Variants in ADGRG2 observed in about 807,000 individuals in gnomAD.
ADGRG2 encodes the protein adhesion G protein-coupled receptor G2.
Under a neutral mutation model 74.1 loss-of-function variants are expected in ADGRG2, and 26 were observed. The ratio of observed to expected loss-of-function variants is 0.35; its 90% confidence interval spans 0.26 to 0.49. The LOEUF is 0.49. Among genes scored for constraint, ADGRG2 ranks in the 20% least tolerant of loss-of-function variants. The pLI is 0.99. For missense variants in ADGRG2, 619 were observed against 763.1 expected (o/e 0.81, Z 2.22); for synonymous variants, 296 against 295.2 (o/e 1.00, Z -0.03).
chrX:19,035,881 A>G, intron 7 of ADGRG2, 61 bp downstream of exon 7: 4 of 614,412 alleles, frequency 6.5e-6, no homozygotes, highest in Non-Finnish European at 1.0e-5. Context: ...TAGACTGCAC[A>G]AGCAAGACAC....
chrX:19,004,895 T>C lies in ADGRG2; in HGVS notation c.1840-16A>G, dbSNP rs762514981. 1.8e-6 allele frequency: 2 copies of C among 1,131,858 alleles called. No homozygotes were observed. Among genetic ancestry groups the C allele is most frequent in the East Asian group, 6.0e-5 (2 of 33,335 alleles). The allele number at this position is 1,131,858 out of a possible 1,213,427, so 93.3% of individuals were successfully genotyped here. On this transcript the variant is annotated splice_polypyrimidine_tract_variant and intron_variant, in intron 22 of 28. Transcript: ENST00000379869. ...TAGATAGGTCCTGGAAAATGAAATA[T>C]TGCTTTTAATAATCAAATATTTTTA...
At chrX:19,120,828 T>A (rs1170270671) in intron 1 of ADGRG2, among the ~76,000 whole-genome samples, 1 of 112,600 alleles carries the variant, frequency 8.9e-6, no homozygotes, top group Non-Finnish European at 1.9e-5. Flanking sequence ...TATTTCGCTA[T>A]TAAATGAGTA....
intron 3 of ADGRG2, among the ~76,000 whole-genome samples, chrX:19,044,697 C>A (rs1248437568): frequency 9.0e-6 from 1 of 111,179 alleles, no homozygotes; most frequent in Non-Finnish European, 1.9e-5. Flanking sequence ...ACTCTCTGGC[C>A]ATTGCTCCTG....
chrX:19,038,630 C>T (rs751965245), intron 4 of ADGRG2, among the ~76,000 whole-genome samples: 44 of 111,716 alleles, frequency 3.9e-4, no homozygotes, highest in African/African-American at 1.4e-3. Flanking sequence ...TTAATTCTTC[C>T]GAATGTTGAT....
chrX:19,028,430 G>A (rs1041742500), intron 9 of ADGRG2, among the ~76,000 whole-genome samples, 192 bp from the exon 10 acceptor site: 5 of 111,563 alleles, frequency 4.5e-5, no homozygotes, highest in Non-Finnish European at 9.4e-5. Context: ...TTTTATGTGG[G>A]AATTCAGAAA....
At chrX:19,007,553 A>T (rs1433025765) in intron 19 of ADGRG2, among the ~76,000 whole-genome samples, 196 bp from the exon 20 acceptor site, 1 of 112,323 alleles carries the variant, frequency 8.9e-6, no homozygotes, top group Non-Finnish European at 1.9e-5. Context: ...TGCTCTAAAT[A>T]CTGAGCTAAA....
At chrX:19,051,674 T>G (rs2061325446) in intron 3 of ADGRG2, among the ~76,000 whole-genome samples, 1 of 111,512 alleles carries the variant, frequency 9.0e-6, no homozygotes, top group Admixed American at 9.5e-5. Context: ...GCTCTCACTC[T>G]CTCTCTTTCT....
chrX:19,040,173 T>TA lies in ADGRG2; in HGVS notation c.154+15dup, dbSNP rs750050878. On this transcript the variant is annotated intron_variant, in intron 4 of 28. Transcript: ENST00000379869. ...ATTTTCCTGAAATTCCCCAGAGTTCTAAAAAAACAACTTACCAGGTGGTGG... is the reference window on the plus strand; with the variant it reads ...ATTTTCCTGAAATTCCCCAGAGTTCTAAAAAAAACAACTTACCAGGTGGTGG... 82 of 1,102,268 alleles carry TA rather than the reference T, an allele frequency of 7.4e-5. No homozygotes were observed. In the Admixed American group the frequency reaches 1.1e-3, roughly 14 times the overall value. 90.8% of individuals were successfully genotyped at this position (1,102,268 alleles called of 1,213,427 possible).
chrX:19,049,152 G>T (rs1386201380), intron 3 of ADGRG2, among the ~76,000 whole-genome samples: 1 of 111,968 alleles, frequency 8.9e-6, no homozygotes, highest in African/African-American at 3.2e-5. Flanking sequence ...CCCCCAGAAG[G>T]CCCCTTGGTT....
chrX:19,118,097 A>G (rs1415019446), intron 1 of ADGRG2, among the ~76,000 whole-genome samples: 1 of 112,142 alleles, frequency 8.9e-6, no homozygotes, highest in East Asian at 2.8e-4. Context: ...GTAAAATAGT[A>G]GCAACTACTA....
chrX:19,033,650 T>A lies in ADGRG2; in HGVS notation c.267A>T (p.Lys89Asn), dbSNP rs760196699. ...AGGTTTTTACTATAGTGATTTTAGT[T>A]TTTTCTGCAAAGAAACAACTTAAAT... ...LSLLPSNETE[K>N]TKITIVKTFN... The change falls in exon 8 of 29, where the codon AAA becomes AAT. Residue 89 changes from lysine (K) to asparagine (N), a missense_variant. Physicochemically the swap from Lys to Asn is moderately conservative, Grantham distance 94. Coordinates refer to ENST00000379869, the MANE Select transcript of ADGRG2 (RefSeq NM_001079858.3). The A allele has an allele frequency of 1.2e-6, 1 of 809,548 alleles. No individual in the cohort carries two copies. Among genetic ancestry groups the A allele is most frequent in the Non-Finnish European group, 1.8e-6 (1 of 542,179 alleles). 66.7% of individuals were successfully genotyped at this position (809,548 alleles called of 1,213,427 possible).
rs144699060 is a variant in ADGRG2, at chrX:19,107,210, C to A, written c.-47+15232G>T. Reference sequence around the variant, plus strand: ...CTGGCCAGTCCCAAACCTGCTGAATCCGCATATGCATTTTAACAAGATCCC... The same window carrying A: ...CTGGCCAGTCCCAAACCTGCTGAATACGCATATGCATTTTAACAAGATCCC... On this transcript the variant is annotated intron_variant, in intron 1 of 28. Transcript: ENST00000379869. Among the ~76,000 whole-genome samples the A allele has an allele frequency of 6.9e-3, 779 of 112,374 alleles. 6 individuals carry two copies. Among genetic ancestry groups the A allele is most frequent in the African/African-American group, 0.024 (751 of 30,952 alleles).
chrX:19,014,142 C>T (rs1225587794), intron 15 of ADGRG2, 68 bp from the exon 16 acceptor site: 1 of 862,204 alleles, frequency 1.2e-6, no homozygotes. Flanking sequence ...AGTCTTTCCC[C>T]TCTGGCAATC....
chrX:19,116,673 A>G (rs1459006115), intron 1 of ADGRG2, among the ~76,000 whole-genome samples: 1 of 111,113 alleles, frequency 9.0e-6, no homozygotes, highest in Non-Finnish European at 1.9e-5. Context: ...AGGTAGTTAC[A>G]CTGATCTCAG....
chrX:19,111,434 G>A (rs1355844201), intron 1 of ADGRG2, among the ~76,000 whole-genome samples: 3 of 111,082 alleles, frequency 2.7e-5, no homozygotes, highest in Non-Finnish European at 5.7e-5. Flanking sequence ...AAGAGAGGAT[G>A]AGGAGACTTA....
chrX:19,011,013 T>G (rs940020008), intron 16 of ADGRG2, among the ~76,000 whole-genome samples: 1 of 111,908 alleles, frequency 8.9e-6, no homozygotes, highest in African/African-American at 3.3e-5. Flanking sequence ...ATCAACAAAC[T>G]ATGGTACCTC....
intron 1 of ADGRG2, 29 bp from the exon 2 acceptor site, chrX:19,082,775 CAAAATTAG>C (rs2061873729): frequency 2.7e-5 from 3 of 112,122 alleles, no homozygotes; most frequent in Admixed American, 9.5e-5. Context: ...AAATAAAAAG[CAAAATTAG>C]ACCAATGGAA....
chrX:19,047,252 C>T (rs2061212419), intron 3 of ADGRG2, among the ~76,000 whole-genome samples: 1 of 111,696 alleles, frequency 9.0e-6, no homozygotes, highest in Non-Finnish European at 1.9e-5. Context: ...GTGGTGACCT[C>T]AATAACATAC....
intron 1 of ADGRG2, among the ~76,000 whole-genome samples, chrX:19,107,967 G>A (rs1273629229): frequency 9.3e-6 from 1 of 107,331 alleles, no homozygotes; most frequent in African/African-American, 3.4e-5. Context: ...AGGTGTGGTG[G>A]CACGCACCTG....
Sources: allele counts gnomAD v4.1 joint callset (sites outside exome capture counted in the v4.1 genomes callset), GRCh38; gene constraint gnomAD v4.1.1; transcripts MANE v1.5; gene names NCBI Gene and HGNC (gene_info 2026-07-23, HGNC 2026-07-21).